ITLN2: variants seen among roughly 807,000 people sequenced by gnomAD.
The protein encoded by ITLN2 is intelectin-2.
Under a neutral mutation model 39.4 loss-of-function variants are expected in ITLN2, and 29 were observed. That is an observed-to-expected ratio of 0.74 (90% CI 0.55 to 1.00). The LOEUF (loss-of-function observed/expected upper bound fraction) is 1.00, where lower values mean the gene tolerates loss of function less well. ITLN2 is among the 50% of genes least tolerant of loss of function. The pLI, the probability that ITLN2 is intolerant of heterozygous loss-of-function variation, is 0.00. For missense variants in ITLN2, 412 were observed against 416.7 expected, an observed-to-expected ratio of 0.99 and a Z score of 0.10; for synonymous variants, 156 against 153.4, an observed-to-expected ratio of 1.02 and a Z score of -0.12.
chr1:160,950,532 C>G (rs1466412168), intron 5 of ITLN2, 21 bp downstream of exon 5: 1 of 1,609,800 alleles, frequency 6.2e-7, no homozygotes, highest in South Asian at 1.1e-5. Flanking sequence ...AAAGTGCCCC[C>G]CAGCCAGCAG....
In ITLN2 at chr1:160,952,696, G is replaced by A. The variant is rs141409978; in HGVS notation, c.117C>T (p.Phe39=). The A allele has an allele frequency of 2.2e-4, 350 of 1,613,986 alleles. No individual in the cohort carries two copies. Among genetic ancestry groups the A allele is most frequent in the Non-Finnish European group, 2.3e-4 (270 of 1,179,942 alleles). ...ASSLEMLSRE[F]ETCAFSFSSL... is the part of the protein sequence containing the mutation. ...AAGAAAAGGAGAAGGCACAGGTTTC[G>A]AATTCCCTCGAGAGCATCTCAAGAG... is the stretch of plus-strand genomic sequence containing the variant. The change falls in exon 3 of 8, where the codon TTC becomes TTT. Residue 39 remains phenylalanine (F), a synonymous_variant. Coordinates refer to ENST00000368029, the MANE Select transcript of ITLN2 (RefSeq NM_080878.3).
At chr1:160,950,521 G>C in intron 5 of ITLN2, 32 bp downstream of exon 5, 1 of 1,606,416 alleles carries the variant, frequency 6.2e-7, no homozygotes, top group Non-Finnish European at 8.5e-7. Flanking sequence ...GTTCACCAAA[G>C]AAAGTGCCCC....
intron 6 of ITLN2, chr1:160,949,654 G>A (rs1570972359): frequency 2.8e-5 from 5 of 179,044 alleles, no homozygotes; most frequent in Admixed American, 1.6e-4. Context: ...TGAGCACAGG[G>A]TTGGGGGTAG....
chr1:160,951,317 C>G, intron 3 of ITLN2, 27 bp from the exon 4 acceptor site: 18 of 1,545,276 alleles, frequency 1.2e-5, no homozygotes, highest in Non-Finnish European at 1.6e-5. Context: ...CCCAGAGCCT[C>G]CCTGTCTGAG....
intron 6 of ITLN2, 188 bp downstream of exon 6, chr1:160,949,858 G>GC (rs1468907261): frequency 1.0e-5 from 6 of 571,916 alleles, no homozygotes; most frequent in African/African-American, 7.5e-5. Flanking sequence ...GGGGATAACA[G>GC]CAATTCTAAC....
At chr1:160,950,516 C>A in intron 5 of ITLN2, 37 bp downstream of exon 5, 2 of 1,604,082 alleles carry the variant, frequency 1.2e-6, no homozygotes, top group Non-Finnish European at 1.7e-6. Context: ...TCTCTGTTCA[C>A]CAAAGAAAGT....
At position 160,950,174 on chromosome 1, in the gene ITLN2, G is replaced by A; in HGVS notation, c.601-8C>T. Reference sequence around the variant, plus strand: ...GTATTTCACTGGGTATTTCTGCAGAGACCCAGAAGAAAGGTTTTGTGAGGA... The same window carrying A: ...GTATTTCACTGGGTATTTCTGCAGAAACCCAGAAGAAAGGTTTTGTGAGGA... On this transcript the variant is annotated splice_region_variant and splice_polypyrimidine_tract_variant and intron_variant, in intron 5 of 7. Transcript: ENST00000368029. 6.2e-7 allele frequency: 1 copy of A among 1,613,664 alleles called. No individual in the cohort carries two copies. Among genetic ancestry groups the A allele is most frequent in the African/African-American group, 1.3e-5 (1 of 74,998 alleles).
chr1:160,949,381 G>A (rs11265536), intron 6 of ITLN2: 39,160 of 152,170 alleles, frequency 0.26, 5,476 homozygotes, highest in Middle Eastern at 0.35. Context: ...TGTGGGTGTC[G>A]GGCTGGGGGA....
In ITLN2 at chr1:160,954,421, T is replaced by TAAC; in HGVS notation, c.42_44dup (p.Leu15dup). On this transcript the variant is annotated inframe_insertion, in exon 2 of 8. Coordinates refer to ENST00000368029, the MANE Select transcript of ITLN2 (RefSeq NM_080878.3). ...ACCCACTGGTGGCCACAGAGAAGAATAACAGGAAGCAGAGTCTGGTCATTG... is the reference window on the plus strand; with the variant it reads ...ACCCACTGGTGGCCACAGAGAAGAATAACAACAGGAAGCAGAGTCTGGTCATTG... The TAAC allele has an allele frequency of 6.3e-7, 1 of 1,581,206 alleles. No homozygotes were observed. The highest frequency in any genetic ancestry group is 1.3e-5 in the African/African-American group (1 of 74,690).
At position 160,951,047 on chromosome 1, in the gene ITLN2, T is replaced by C. The variant is rs781517577; in HGVS notation, c.437A>G (p.Tyr146Cys). The change falls in exon 4 of 8, where the codon TAC becomes TGC. Residue 146 changes from tyrosine (Y) to cysteine (C), a missense_variant. Physicochemically the swap from Tyr to Cys is radical, Grantham distance 194. Coordinates refer to ENST00000368029, the MANE Select transcript of ITLN2 (RefSeq NM_080878.3). ...GSAEAATSDDYKNPGYYDIQA... is the reference protein window; with the variant it reads ...GSAEAATSDDCKNPGYYDIQA... ...TAGGAGAGAAGTGGCACCAACCTTGTAGTCATCGCTCGTGGCCGCCTCTGC... is the reference window on the plus strand; with the variant it reads ...TAGGAGAGAAGTGGCACCAACCTTGCAGTCATCGCTCGTGGCCGCCTCTGC... The C allele has an allele frequency of 3.1e-6, 5 of 1,614,208 alleles. No individual in the cohort carries two copies. In the South Asian group the frequency reaches 4.4e-5, roughly 14 times the overall value.
chr1:160,948,016 T>A lies in ITLN2; in HGVS notation c.738A>T (p.Gly246=). ...SPYGQREFVA[G]FVQFRVFNNE... ...TATTAAACACCCGGAACTGAACGAA[T>A]CCTGCAACAAATTCCCCTGAAAAAG... is the stretch of plus-strand genomic sequence containing the variant. Residue 246 remains glycine (G), a synonymous_variant, in exon 7 of 8, where the codon GGA becomes GGT. Transcript: ENST00000368029. 6.2e-7 allele frequency: 1 copy of A among 1,613,954 alleles called. No individual in the cohort carries two copies. Among genetic ancestry groups the A allele is most frequent in the Non-Finnish European group, 8.5e-7 (1 of 1,179,894 alleles).
rs1557874676 is a variant in ITLN2 at position 160,951,171 on chromosome 1, T to C, written c.313A>G (p.Lys105Glu). 6.2e-7 allele frequency: 1 copy of C among 1,613,980 alleles called. No individual in the cohort carries two copies. The highest frequency in any genetic ancestry group is 1.3e-5 in the African/African-American group (1 of 74,894). Reference protein sequence around the residue: ...ASVHENDMRGKCTVGDRWSSQ... With the variant: ...ASVHENDMRGECTVGDRWSSQ... ...GACCAGCGATCACCCACCGTGCACT[T>C]CCCACGCATGTCATTCTCGTGCACG... Residue 105 changes from lysine to glutamate, a missense_variant, in exon 4 of 8, where the codon AAG (lysine) becomes GAG (glutamate). Lys to Glu is a moderately conservative substitution (Grantham distance 56, BLOSUM62 1). Transcript: ENST00000368029.
intron 3 of ITLN2, among the ~76,000 whole-genome samples, chr1:160,951,633 C>T (rs1438268962): frequency 6.6e-6 from 1 of 152,252 alleles, no homozygotes; most frequent in African/African-American, 2.4e-5. Context: ...CTCTGTGCAG[C>T]TCAGAGCAAA....
intron 7 of ITLN2, among the ~76,000 whole-genome samples, chr1:160,945,629 C>G (rs1286419536): frequency 6.6e-6 from 1 of 152,176 alleles, no homozygotes; most frequent in Admixed American, 6.5e-5. Context: ...TCTGCGAGTC[C>G]CTCCATGAGA....
At chr1:160,948,725 C>G (rs540430029) in intron 6 of ITLN2, 1 of 151,544 alleles carries the variant, frequency 6.6e-6, no homozygotes, top group Non-Finnish European at 1.5e-5. Flanking sequence ...CTCCCAGGTT[C>G]AAGCGATTCT....
chr1:160,950,424 T>A, intron 5 of ITLN2, 129 bp downstream of exon 5: 2 of 1,206,820 alleles, frequency 1.7e-6, no homozygotes, highest in African/African-American at 3.1e-5. Flanking sequence ...TCACAGTGAA[T>A]CAAAGGAAGG....
rs749062354 is a variant in ITLN2, at chr1:160,945,213, C to T, written c.905G>A (p.Gly302Glu). 8.7e-6 allele frequency: 14 copies of T among 1,608,110 alleles called. No homozygotes were observed. The Middle Eastern group carries it at 9.9e-4, about 114-fold the overall frequency. The change falls in exon 8 of 8, where the codon GGA becomes GAA. Residue 302 changes from glycine to glutamate, a missense_variant. Coordinates refer to ENST00000368029, the MANE Select transcript of ITLN2 (RefSeq NM_080878.3). ...CGDFSAFDWD[G>E]YGTHVKSSCS... ...GCTGCTCTTAACGTGAGTTCCATAT[C>T]CATCCCAGTCAAAGGCGGAGAAGTC...
intron 3 of ITLN2, among the ~76,000 whole-genome samples, chr1:160,951,756 C>T (rs1043159185): frequency 6.6e-5 from 10 of 152,180 alleles, no homozygotes; most frequent in Admixed American, 5.2e-4. Context: ...TGCACATTTG[C>T]GCATAGGCCA....
At chr1:160,952,597 T>C (rs758140206) in intron 3 of ITLN2, 23 bp downstream of exon 3, 2 of 1,545,464 alleles carry the variant, frequency 1.3e-6, no homozygotes, top group South Asian at 2.2e-5. Flanking sequence ...AAAGAGAGAA[T>C]GCTGAGTTGG....
Sources: gnomAD v4.1 joint callset for allele counts (sites outside exome capture counted in the v4.1 genomes callset) on GRCh38, gnomAD v4.1.1 for gene constraint, MANE v1.5 for transcripts, NCBI Gene and HGNC (gene_info 2026-07-23, HGNC 2026-07-21) for gene names.